FGD2: variants seen among roughly 807,000 people sequenced by gnomAD.
FGD2 encodes the protein FYVE, RhoGEF and PH domain containing 2.
A neutral mutation model predicts 75.9 loss-of-function variants in FGD2; 52 were observed. The observed-to-expected ratio is 0.69, with a 90% CI of 0.55 to 0.86. The LOEUF (loss-of-function observed/expected upper bound fraction) is 0.86. Ranked by LOEUF, FGD2 falls within the 40% of genes least tolerant of loss-of-function variation. The pLI, the probability that FGD2 is intolerant of heterozygous loss-of-function variation, is 0.00. For missense variants in FGD2, 790 were observed against 872.0 expected (o/e 0.91, Z 1.18); for synonymous variants, 347 against 348.6 (o/e 1.00, Z 0.05).
chr6:37,028,823 G>A lies in FGD2; in HGVS notation c.*660G>A, dbSNP rs933588308. On this transcript the variant is annotated 3_prime_UTR_variant, in exon 16 of 16. Transcript: ENST00000274963. ...GGGATTTCACCATGTTACTCAGGCT[G>A]GTCTCAAACTCCCAGCCTCAAGCGA... is the stretch of plus-strand genomic sequence containing the variant. 2 of 151,706 alleles carry A rather than the reference G, an allele frequency of 1.3e-5. No homozygotes were observed. Among genetic ancestry groups the A allele is most frequent in the Admixed American group, 6.6e-5 (1 of 15,218 alleles). The allele number at this position is 151,706 out of a possible 1,614,324, so 9.4% of individuals were successfully genotyped here.
intron 4 of FGD2, 59 bp downstream of exon 4, chr6:37,011,913 G>T: frequency 6.3e-7 from 1 of 1,579,816 alleles, no homozygotes; most frequent in Admixed American, 1.9e-5. Context: ...GGTGGAGGTG[G>T]GGAGACCCCA....
At chr6:37,017,104 C>CA (rs1554150132) in intron 9 of FGD2, among the ~76,000 whole-genome samples, 1 of 144,360 alleles carries the variant, frequency 6.9e-6, no homozygotes, top group Non-Finnish European at 1.5e-5. Flanking sequence ...CTGCACTTTG[C>CA]TTTTTTTTTT....
intron 1 of FGD2, among the ~76,000 whole-genome samples, chr6:37,008,445 C>A (rs1764846647): frequency 1.3e-5 from 2 of 152,084 alleles, no homozygotes; most frequent in Admixed American, 1.3e-4. Flanking sequence ...GTGGCTCCTA[C>A]CTTCCCTTGA....
chr6:37,027,606 G>A (rs763976674), intron 15 of FGD2, 31 bp downstream of exon 15: 2 of 1,612,644 alleles, frequency 1.2e-6, no homozygotes, highest in East Asian at 4.5e-5. Flanking sequence ...CCCCCCGTCA[G>A]GCCCTGGCCT....
In FGD2 at chr6:37,025,874, ACG is replaced by A. The variant is rs1561942825; in HGVS notation, c.1543_1544del (p.Ala515IlefsTer9). ...CCCAACCGAGTCTGCCTCCACTGCT[ACG>A]CATTCCTCACTGGAAATGTGCTGCC... On this transcript the variant is annotated frameshift_variant, in exon 14 of 16. Transcript: ENST00000274963. LOFTEE classifies it high-confidence loss of function. The A allele has an allele frequency of 6.2e-7, 1 of 1,614,172 alleles. No homozygotes were observed. The highest frequency in any genetic ancestry group is 8.5e-7 in the Non-Finnish European group (1 of 1,180,012).
chr6:37,015,004 G>T lies in FGD2; in HGVS notation c.995G>T (p.Arg332Leu). 1 of 1,614,092 alleles carries T rather than the reference G, an allele frequency of 6.2e-7. No homozygotes were observed. The highest frequency in any genetic ancestry group is 8.5e-7 in the Non-Finnish European group (1 of 1,179,990). ...GGCCCGGTCCTCAAGATCTCCTTCCGCCGCAACGACCCCATGGAGCGCTAC... is the reference window on the plus strand; with the variant it reads ...GGCCCGGTCCTCAAGATCTCCTTCCTCCGCAACGACCCCATGGAGCGCTAC... ...REGPVLKISFRRNDPMERYLF... is the reference protein window; with the variant it reads ...REGPVLKISFLRNDPMERYLF... The change falls in exon 8 of 16, where the codon CGC becomes CTC. Residue 332 changes from arginine to leucine, a missense_variant. Physicochemically the swap from Arg to Leu is moderately radical, Grantham distance 102. Coordinates refer to ENST00000274963, the MANE Select transcript of FGD2 (RefSeq NM_173558.4).
chr6:37,015,334 C>T lies in FGD2; in HGVS notation c.1029+296C>T, dbSNP rs555344345. On this transcript the variant is annotated intron_variant, in intron 8 of 15. Coordinates refer to ENST00000274963, the MANE Select transcript of FGD2 (RefSeq NM_173558.4). ...TGATATTAATCTGTGCTCTAGAGAGCGCACAGCAGGAAGGAGTAAGGTTAG... is the reference window on the plus strand; with the variant it reads ...TGATATTAATCTGTGCTCTAGAGAGTGCACAGCAGGAAGGAGTAAGGTTAG... Among the ~76,000 whole-genome samples, 67 of 152,288 alleles carry T rather than the reference C, an allele frequency of 4.4e-4. No homozygotes were observed. The South Asian group carries it at 9.9e-3, about 23-fold the overall frequency.
intron 12 of FGD2, chr6:37,021,936 G>A: frequency 2.0e-6 from 1 of 493,468 alleles, no homozygotes; most frequent in Non-Finnish European, 3.6e-6. Flanking sequence ...TGAGTGAGGT[G>A]GGGGCTGGGG....
intron 9 of FGD2, 88 bp from the exon 10 acceptor site, chr6:37,020,453 C>A: frequency 1.6e-6 from 2 of 1,266,200 alleles, no homozygotes; most frequent in Non-Finnish European, 2.2e-6. Context: ...GTCCCTTGGG[C>A]ACAATCCACC....
At position 37,015,047 on chromosome 6, in the gene FGD2, G is replaced by T; in HGVS notation, c.1029+9G>T. The stretch of plus-strand genomic sequence containing the variant: ...AGCGCTACCTTTTCTTGGTAAGAGG[G>T]TGCTGGGAGCTCCTCTCCACACTGG... On this transcript the variant is annotated intron_variant, in intron 8 of 15. Transcript: ENST00000274963. The T allele has an allele frequency of 6.2e-7, 1 of 1,610,704 alleles. No homozygotes were observed. Among genetic ancestry groups the T allele is most frequent in the Non-Finnish European group, 8.5e-7 (1 of 1,178,368 alleles).
intron 2 of FGD2, 96 bp downstream of exon 2, chr6:37,009,161 T>A (rs1583291543): frequency 8.2e-7 from 1 of 1,226,938 alleles, no homozygotes; most frequent in East Asian, 2.5e-5. Context: ...AGCCAGCAGT[T>A]CCCCAGGTGG....
intron 11 of FGD2, 77 bp downstream of exon 11, chr6:37,020,816 C>G: frequency 6.5e-7 from 1 of 1,535,570 alleles, no homozygotes; most frequent in Non-Finnish European, 8.8e-7. Flanking sequence ...TGGTACTAGA[C>G]TACCTTGATG....
intron 1 of FGD2, among the ~76,000 whole-genome samples, chr6:37,008,442 CT>C (rs1764846543): frequency 1.3e-5 from 2 of 152,166 alleles, no homozygotes; most frequent in Admixed American, 1.3e-4. Flanking sequence ...TCTGTGGCTC[CT>C]ACCTTCCCTT....
At chr6:37,019,254 C>T (rs1043544812) in intron 9 of FGD2, among the ~76,000 whole-genome samples, 14 of 152,350 alleles carry the variant, frequency 9.2e-5, no homozygotes, top group African/African-American at 3.4e-4. Flanking sequence ...CCACATCCAG[C>T]CTGTCATCCC....
At chr6:37,013,935 C>T (rs774382924) in intron 5 of FGD2, 27 bp from the exon 6 acceptor site, 30 of 1,608,504 alleles carry the variant, frequency 1.9e-5, no homozygotes, top group Admixed American at 1.5e-4. Flanking sequence ...TCACCCTCTC[C>T]GTGTTGCTCC....
chr6:37,016,045 C>G (rs533700415), intron 9 of FGD2, among the ~76,000 whole-genome samples, 185 bp downstream of exon 9: 55 of 152,368 alleles, frequency 3.6e-4, no homozygotes, highest in African/African-American at 1.3e-3. Flanking sequence ...CCCTGTCCTT[C>G]CCAGCTTCCC....
Position 37,005,697 on chromosome 6 carries a change from T to A in FGD2, c.-121T>A. 9.3e-7 allele frequency: 1 copy of A among 1,073,670 alleles called. No homozygotes were observed. Among genetic ancestry groups the A allele is most frequent in the Non-Finnish European group, 1.4e-6 (1 of 714,742 alleles). 66.5% of individuals were successfully genotyped at this position (1,073,670 alleles called of 1,614,324 possible). On this transcript the variant is annotated 5_prime_UTR_variant, in exon 1 of 16. Transcript: ENST00000274963. The stretch of plus-strand genomic sequence containing the variant: ...CGACCTTCTGAGCCCTCAAGAAAGA[T>A]CAGAACAGATTCATGGGTGATTTAG...
chr6:37,008,771 G>T (rs905266134), intron 1 of FGD2, 63 bp from the exon 2 acceptor site: 6 of 1,471,416 alleles, frequency 4.1e-6, no homozygotes, highest in Non-Finnish European at 5.5e-6. Flanking sequence ...CCACACCAGG[G>T]ACTTGCTGCT....
chr6:37,007,422 C>T (rs533028944), intron 1 of FGD2, among the ~76,000 whole-genome samples: 14 of 152,328 alleles, frequency 9.2e-5, no homozygotes, highest in South Asian at 6.2e-4. Flanking sequence ...CCCACCACCC[C>T]CTTGGGTGTG....
Sources: allele counts gnomAD v4.1 joint callset (sites outside exome capture counted in the v4.1 genomes callset), GRCh38; gene constraint gnomAD v4.1.1; transcripts MANE v1.5; gene names NCBI Gene and HGNC (gene_info 2026-07-23, HGNC 2026-07-21).